Variants in SORCS2 observed in about 807,000 individuals in gnomAD.
SORCS2 encodes the protein sortilin related VPS10 domain containing receptor 2, also known as VPS10 domain-containing receptor SorCS2.
Under a neutral mutation model 141.6 loss-of-function variants are expected in SORCS2, and 100 were observed. The observed-to-expected ratio is 0.71, with a 90% CI of 0.60 to 0.83. The LOEUF is 0.83. Among genes scored for constraint, SORCS2 ranks in the 40% least tolerant of loss-of-function variants. The probability of loss-of-function intolerance (pLI) is 0.00; values close to 1 mark genes in which losing one functional copy is unlikely to be tolerated. For missense variants in SORCS2, 1,646 were observed against 1,560.2 expected, an observed-to-expected ratio of 1.05 and a Z score of -0.93; for synonymous variants, 789 against 676.9, an observed-to-expected ratio of 1.17 and a Z score of -2.57.
At chr4:7,301,571 C>A (rs558473509) in intron 1 of SORCS2, among the ~76,000 whole-genome samples, 30 of 152,326 alleles carry the variant, frequency 2.0e-4, no homozygotes, top group African/African-American at 6.7e-4. Flanking sequence ...AGAGCACCCT[C>A]GACCCTTCTC....
rs1222705352 is a variant in SORCS2 at position 7,676,822 on chromosome 4, T to C, written c.1341+593T>C. Among the ~76,000 whole-genome samples, 68 of 100,138 alleles carry C rather than the reference T, an allele frequency of 6.8e-4. 4 individuals carry two copies. Among genetic ancestry groups the C allele is most frequent in the African/African-American group, 2.5e-3 (66 of 26,486 alleles). The allele number at this position is 100,138 out of a possible 152,430, so 65.7% of individuals were successfully genotyped here. A position where few individuals can be genotyped will look rare whatever the true frequency, so the allele number is the denominator to read the frequency against. ...CTTTCTGTCTCTCTCTCTCTCTCTC[T>C]CTCTCTCCCTCTCTCCACCCCAGCC... is the stretch of plus-strand genomic sequence containing the variant. On this transcript the variant is annotated intron_variant, in intron 9 of 26. Coordinates refer to ENST00000507866, the MANE Select transcript of SORCS2 (RefSeq NM_020777.3).
chr4:7,291,554 C>T (rs1397731931), intron 1 of SORCS2, among the ~76,000 whole-genome samples: 1 of 152,220 alleles, frequency 6.6e-6, no homozygotes, highest in Middle Eastern at 3.4e-3. Flanking sequence ...GGGATCTAGG[C>T]CAGCGTTTCT....
At chr4:7,412,006 G>A (rs1434197373) in intron 2 of SORCS2, among the ~76,000 whole-genome samples, 1 of 152,206 alleles carries the variant, frequency 6.6e-6, no homozygotes, top group Admixed American at 6.5e-5. Flanking sequence ...TGCTGCCAAG[G>A]TCTATCAAGT....
At chr4:7,522,802 C>T (rs1733415936) in intron 2 of SORCS2, among the ~76,000 whole-genome samples, 1 of 56,966 alleles carries the variant, frequency 1.8e-5, no homozygotes, top group African/African-American at 5.0e-5. Context: ...CTTCCTCCTC[C>T]CTTTTCTCTC....
intron 3 of SORCS2, among the ~76,000 whole-genome samples, chr4:7,573,865 T>C (rs1715557806): frequency 1.3e-5 from 2 of 151,672 alleles, no homozygotes. Context: ...GAATTTCAAG[T>C]GGCTGTCCTG....
At chr4:7,692,478 G>C (rs999654196) in intron 11 of SORCS2, among the ~76,000 whole-genome samples, 2 of 152,222 alleles carry the variant, frequency 1.3e-5, no homozygotes, top group Admixed American at 6.5e-5. Context: ...GATGAGACAG[G>C]GTATGGCAGG....
intron 11 of SORCS2, among the ~76,000 whole-genome samples, chr4:7,691,767 T>C (rs1047352855): frequency 7.9e-5 from 12 of 152,210 alleles, no homozygotes; most frequent in Non-Finnish European, 4.4e-5. Flanking sequence ...GTATTTAAAA[T>C]GCACTGTCTT....
At chr4:7,259,932 C>A in intron 1 of SORCS2, among the ~76,000 whole-genome samples, 1 of 152,250 alleles carries the variant, frequency 6.6e-6, no homozygotes, top group East Asian at 1.9e-4. Context: ...TTGGGCAGGA[C>A]AGAGTTTCCT....
At chr4:7,200,927 G>C (rs193101200) in intron 1 of SORCS2, among the ~76,000 whole-genome samples, 4 of 152,314 alleles carry the variant, frequency 2.6e-5, no homozygotes, top group Non-Finnish European at 5.9e-5. Context: ...ACTAGCTCAA[G>C]GCCCGGCTCG....
intron 9 of SORCS2, among the ~76,000 whole-genome samples, 181 bp downstream of exon 9, chr4:7,676,410 G>C (rs1383592425): frequency 2.0e-5 from 3 of 152,074 alleles, no homozygotes; most frequent in African/African-American, 4.8e-5. Context: ...CTATTATGTA[G>C]GTATTTTTAG....
In SORCS2 at chr4:7,621,657, T is replaced by C. The variant is rs79651113; in HGVS notation, c.649-16671T>C. On this transcript the variant is annotated intron_variant, in intron 3 of 26. Coordinates refer to ENST00000507866, the MANE Select transcript of SORCS2 (RefSeq NM_020777.3). ...ATGAAATCAGAGGTGGTGAAACATA[T>C]TTTTAAAACATGAAAACACTTTTGC... 3.1e-3 allele frequency among the ~76,000 whole-genome samples: 474 copies of C among 152,296 alleles called. 2 individuals carry two copies. Among genetic ancestry groups the C allele is most frequent in the African/African-American group, 0.011 (452 of 41,556 alleles).
chr4:7,526,370 G>A (rs886374439), intron 2 of SORCS2, among the ~76,000 whole-genome samples: 1 of 152,244 alleles, frequency 6.6e-6, no homozygotes, highest in Non-Finnish European at 1.5e-5. Flanking sequence ...ATGGAAAAGC[G>A]TGGAAGGACC....
chr4:7,623,822 G>C (rs935143346), intron 3 of SORCS2, among the ~76,000 whole-genome samples: 1 of 152,152 alleles, frequency 6.6e-6, no homozygotes. Flanking sequence ...AAGACAACGA[G>C]GTTGTTCCTT....
chr4:7,711,299 C>T (rs1017102588), intron 14 of SORCS2, among the ~76,000 whole-genome samples: 1 of 152,226 alleles, frequency 6.6e-6, no homozygotes, highest in African/African-American at 2.4e-5. Context: ...GCCTCAGATG[C>T]TCAGACCCAG....
At chr4:7,324,554 C>G (rs369084099) in intron 1 of SORCS2, among the ~76,000 whole-genome samples, 99 of 152,338 alleles carry the variant, frequency 6.5e-4, no homozygotes, top group Middle Eastern at 6.8e-3. Context: ...CGTGCTCACT[C>G]TCCCGGCACA....
chr4:7,719,560 A>T (rs1247832640), intron 18 of SORCS2, among the ~76,000 whole-genome samples: 2 of 152,162 alleles, frequency 1.3e-5, no homozygotes, highest in Non-Finnish European at 2.9e-5. Context: ...CAGGCTGCTG[A>T]CGGAGATGGG....
chr4:7,670,733 T>C lies in SORCS2; in HGVS notation c.1161+3520T>C, dbSNP rs372526100. Among the ~76,000 whole-genome samples, 20 of 152,346 alleles carry C rather than the reference T, an allele frequency of 1.3e-4. No individual in the cohort carries two copies. The East Asian group carries it at 3.9e-3, about 29-fold the overall frequency. ...TGTCAGCTCTTAGCCTGGTAGAGGC[T>C]TCCCATCCCCCACCCCGGCCCCATG... On this transcript the variant is annotated intron_variant, in intron 8 of 26. Coordinates refer to ENST00000507866, the MANE Select transcript of SORCS2 (RefSeq NM_020777.3).
chr4:7,730,106 C>T (rs1486439060), intron 23 of SORCS2, among the ~76,000 whole-genome samples: 1 of 152,146 alleles, frequency 6.6e-6, no homozygotes, highest in Non-Finnish European at 1.5e-5. Flanking sequence ...AAGTCAGCCC[C>T]CATGCAGTTA....
At chr4:7,470,722 G>T (rs562353572) in intron 2 of SORCS2, among the ~76,000 whole-genome samples, 1 of 152,338 alleles carries the variant, frequency 6.6e-6, no homozygotes, top group South Asian at 2.1e-4. Flanking sequence ...GACTGAGCTT[G>T]GGGACAGACA....
Sources: allele counts gnomAD v4.1 joint callset (sites outside exome capture counted in the v4.1 genomes callset), GRCh38; gene constraint gnomAD v4.1.1; transcripts MANE v1.5; gene names NCBI Gene and HGNC (gene_info 2026-07-23, HGNC 2026-07-21).